LAMP1: variants seen among roughly 807,000 people sequenced by gnomAD.
LAMP1 encodes the protein lysosome-associated membrane glycoprotein 1.
Under a neutral mutation model 37.5 loss-of-function variants are expected in LAMP1, and 7 were observed. The observed-to-expected ratio is 0.19, with a 90% confidence interval of 0.11 to 0.35. The LOEUF (loss-of-function observed/expected upper bound fraction) is 0.35. Ranked by LOEUF, LAMP1 falls within the 10% of genes least tolerant of loss-of-function variation. The pLI, the probability that LAMP1 is intolerant of heterozygous loss-of-function variation, is 1.00. For missense variants in LAMP1, 537 were observed against 552.8 expected (o/e 0.97, Z 0.29); for synonymous variants, 236 against 229.1 (o/e 1.03, Z -0.27).
At chr13:113,299,530 T>C (rs1389727191) in intron 1 of LAMP1, among the ~76,000 whole-genome samples, 4 of 151,598 alleles carry the variant, frequency 2.6e-5, no homozygotes, top group Non-Finnish European at 5.9e-5. Flanking sequence ...CCCAAAGTGC[T>C]GGGAGTACGG....
chr13:113,320,742 C>A lies in LAMP1; in HGVS notation c.876+272C>A. 2.2e-6 allele frequency: 1 copy of A among 463,354 alleles called. No homozygotes were observed. Among genetic ancestry groups the A allele is most frequent in the Non-Finnish European group, 3.9e-6 (1 of 257,190 alleles). The allele number at this position is 463,354 out of a possible 1,614,324, so 28.7% of individuals were successfully genotyped here. ...TGCAGGCCGTGCGGCCTTCTGGCTT[C>A]AGATGCTGCTGCCCTGTGGTTCCGT... On this transcript the variant is annotated intron_variant, in intron 6 of 8. Transcript: ENST00000332556. The surrounding 1 kb of genome is among the most constrained non-coding windows in gnomAD (Gnocchi z 4.4).
intron 8 of LAMP1, 54 bp from the exon 9 acceptor site, chr13:113,322,228 G>A (rs1222174413): frequency 1.3e-6 from 2 of 1,555,544 alleles, no homozygotes; most frequent in Non-Finnish European, 1.7e-6. Context: ...AGAGAGGCCT[G>A]TTTGCAGGCC....
intron 4 of LAMP1, 75 bp downstream of exon 4, chr13:113,310,942 T>C: frequency 1.6e-6 from 2 of 1,273,720 alleles, no homozygotes; most frequent in Non-Finnish European, 2.2e-6. Flanking sequence ...GTGACCTCAC[T>C]GCTCTGTGTC....
chr13:113,317,470 G>A (rs188740147), intron 4 of LAMP1, among the ~76,000 whole-genome samples: 197 of 152,290 alleles, frequency 1.3e-3, no homozygotes, highest in African/African-American at 4.4e-3. Context: ...TGTTTTATTT[G>A]TGTTTCCAGC....
intron 4 of LAMP1, among the ~76,000 whole-genome samples, chr13:113,318,403 T>G (rs2042678250): frequency 6.6e-6 from 1 of 152,172 alleles, no homozygotes; most frequent in Non-Finnish European, 1.5e-5. Context: ...GCGTGGTGAC[T>G]CAGCCTAGCA....
Position 113,306,640 on chromosome 13 carries a change from G to T in LAMP1, c.183+34G>T, listed in dbSNP as rs1460874923. 3 of 1,592,446 alleles carry T rather than the reference G, an allele frequency of 1.9e-6. No individual in the cohort carries two copies. In the African/African-American group the frequency reaches 4.1e-5, roughly 22 times the overall value. On this transcript the variant is annotated intron_variant, in intron 2 of 8. Coordinates refer to ENST00000332556, the MANE Select transcript of LAMP1 (RefSeq NM_005561.4). ...CACCAGGGCACTTCATGCTTCCCTT[G>T]TGTGTGTGGAAAGATGATTTTTAAC... is the stretch of plus-strand genomic sequence containing the variant.
chr13:113,297,395 G>A lies in LAMP1; in HGVS notation c.-40G>A, dbSNP rs1483696319. ...GCAGTCCGCGGCCCAACCGCCGCCC[G>A]CGCCCCCGCTCCCCGCACCGTACCC... On this transcript the variant is annotated 5_prime_UTR_variant, in exon 1 of 9. Transcript: ENST00000332556. This position sits in a 1 kb window ranked among gnomAD's most constrained non-coding sequence, Gnocchi z 4.4. 1.7e-6 allele frequency: 1 copy of A among 587,376 alleles called. No homozygotes were observed. The highest frequency in any genetic ancestry group is 2.4e-6 in the Non-Finnish European group (1 of 416,948). 36.4% of individuals were successfully genotyped at this position (587,376 alleles called of 1,614,324 possible).
chr13:113,304,600 A>G (rs915598400), intron 1 of LAMP1, among the ~76,000 whole-genome samples: 4 of 151,750 alleles, frequency 2.6e-5, no homozygotes, highest in African/African-American at 9.7e-5. Context: ...CAGACAGTAG[A>G]TTGGAGGTTT....
chr13:113,319,370 A>C (rs2042684408), intron 4 of LAMP1, 99 bp from the exon 5 acceptor site: 1 of 1,072,660 alleles, frequency 9.3e-7, no homozygotes, highest in South Asian at 1.6e-5. Flanking sequence ...AGGACGCCAG[A>C]GTCCACAGAT....
chr13:113,322,002 A>G (rs562343221), intron 8 of LAMP1: 10 of 585,946 alleles, frequency 1.7e-5, no homozygotes, highest in East Asian at 8.5e-5. Context: ...GTTGAATACA[A>G]CACTGTCATC....
Position 113,306,584 on chromosome 13 carries a change from A to G in LAMP1, c.161A>G (p.Tyr54Cys), listed in dbSNP as rs778396638. Residue 54 changes from tyrosine (Y) to cysteine (C), a missense_variant, in exon 2 of 9, where the codon TAC (tyrosine) becomes TGC (cysteine). By Grantham distance (194) the Tyr-to-Cys change is radical (BLOSUM62 -2). Coordinates refer to ENST00000332556, the MANE Select transcript of LAMP1 (RefSeq NM_005561.4). ...TTCTCTGCTGCCTTCTCAGTGAACT[A>G]CGACACCAAGAGTGGCCCTAAGGTA... is the stretch of plus-strand genomic sequence containing the variant. ...ANFSAAFSVN[Y>C]DTKSGPKNMT... is the part of the protein sequence containing the mutation. 4.3e-6 allele frequency: 7 copies of G among 1,613,908 alleles called. No individual in the cohort carries two copies. The highest frequency in any genetic ancestry group is 1.7e-5 in the Admixed American group (1 of 59,980).
rs1264635928 is a variant in LAMP1 at position 113,297,451 on chromosome 13, G to T, written c.17G>T (p.Ser6Ile). The T allele has an allele frequency of 8.8e-7, 1 of 1,142,148 alleles. No homozygotes were observed. Among genetic ancestry groups the T allele is most frequent in the South Asian group, 3.4e-5 (1 of 29,370 alleles). 70.8% of individuals were successfully genotyped at this position (1,142,148 alleles called of 1,614,324 possible). A position where few individuals can be genotyped will look rare whatever the true frequency, so the allele number is the denominator to read the frequency against. The change falls in exon 1 of 9, where the codon AGC becomes ATC. Residue 6 changes from serine to isoleucine, a missense_variant. Transcript: ENST00000332556. This position sits in a 1 kb window ranked among gnomAD's most constrained non-coding sequence, Gnocchi z 4.4. The part of the protein sequence containing the change: MAAPG[S>I]ARRPLLLLLL... The stretch of plus-strand genomic sequence containing the variant: ...CCTCGCGCCATGGCGGCCCCCGGCA[G>T]CGCCCGGCGACCCCTGCTGCTGCTA...
intron 4 of LAMP1, among the ~76,000 whole-genome samples, chr13:113,316,763 A>G (rs1036244176): frequency 2.0e-5 from 3 of 151,364 alleles, no homozygotes; most frequent in South Asian, 2.1e-4. Flanking sequence ...TCTGACTCCT[A>G]GCTTAAATGG....
At chr13:113,312,811 GCT>G (rs963775768) in intron 4 of LAMP1, among the ~76,000 whole-genome samples, 2 of 152,194 alleles carry the variant, frequency 1.3e-5, no homozygotes, top group Non-Finnish European at 2.9e-5. Flanking sequence ...GTGTGTTCAT[GCT>G]CTCAGACACA....
chr13:113,305,066 G>C (rs536864111), intron 1 of LAMP1: 2 of 152,336 alleles, frequency 1.3e-5, no homozygotes, highest in Non-Finnish European at 2.9e-5. Flanking sequence ...AACAGTTGCT[G>C]TAAAGATTTT....
At chr13:113,313,990 A>G (rs1302458807) in intron 4 of LAMP1, among the ~76,000 whole-genome samples, 45 of 41,428 alleles carry the variant, frequency 1.1e-3, no homozygotes, top group East Asian at 1.8e-3. Context: ...CCTGGAGGGA[A>G]CCAGTGTGGA....
intron 2 of LAMP1, among the ~76,000 whole-genome samples, chr13:113,307,485 AATC>A (rs2042606102): frequency 6.6e-6 from 1 of 152,138 alleles, no homozygotes. Flanking sequence ...TGTCTTTTAT[AATC>A]ATAATGTAAT....
rs1347248984 is a variant in LAMP1, at chr13:113,315,963, C to T, written c.563-3506C>T. On this transcript the variant is annotated intron_variant, in intron 4 of 8. Transcript: ENST00000332556. ...ACTAAAAATATAAAAATTAGTCGGG[C>T]GTGGTGGCAGGTGCCTGTAGTCCCC... Among the ~76,000 whole-genome samples the T allele has an allele frequency of 3.3e-5, 5 of 152,042 alleles. No homozygotes were observed. The East Asian group carries it at 5.9e-4, about 18-fold the overall frequency.
Position 113,320,088 on chromosome 13 carries a change from C to T in LAMP1, c.751-257C>T, listed in dbSNP as rs932106739. Among the ~76,000 whole-genome samples the T allele has an allele frequency of 6.6e-6, 1 of 152,128 alleles. No individual in the cohort carries two copies. Among genetic ancestry groups the T allele is most frequent in the Non-Finnish European group, 1.5e-5 (1 of 68,018 alleles). On this transcript the variant is annotated intron_variant, in intron 5 of 8. Transcript: ENST00000332556. The surrounding 1 kb of genome is among the most constrained non-coding windows in gnomAD (Gnocchi z 4.4). ...CGTGCCGTGGGGTGAGTTTGCAGGG[C>T]TGACTGCTGCAGGGGGAGGTGGTGC...
Sources: allele counts gnomAD v4.1 joint callset (sites outside exome capture counted in the v4.1 genomes callset), GRCh38; gene constraint gnomAD v4.1.1; non-coding constraint Gnocchi (gnomAD v3.1); transcripts MANE v1.5; gene names NCBI Gene and HGNC (gene_info 2026-07-23, HGNC 2026-07-21).